Variants in FRMD6 observed in about 807,000 individuals in gnomAD.
FRMD6 encodes FERM domain-containing protein 6.
A neutral mutation model predicts 73.2 loss-of-function variants in FRMD6; 37 were observed. The ratio of observed to expected loss-of-function variants is 0.51; its 90% CI spans 0.39 to 0.66. The LOEUF (loss-of-function observed/expected upper bound fraction) is 0.66, where lower values mean the gene tolerates loss of function less well. Among genes scored for constraint, FRMD6 ranks in the 30% least tolerant of loss-of-function variants. The pLI is 0.00. For synonymous variants in FRMD6, 273 were observed against 282.2 expected (o/e 0.97, Z 0.33); for missense variants, 714 against 780.5 (o/e 0.91, Z 1.02).
At chr14:51,482,717 T>G in the FRMD6 span, among the ~76,000 whole-genome samples, 3 of 150,202 alleles carry the variant, frequency 2.0e-5, no homozygotes, top group South Asian at 6.3e-4. Context: ...TTGTTTGTTT[T>G]TGAGATGGAG....
At chr14:51,705,076 T>A in intron 6 of FRMD6, 141 bp downstream of exon 6, 1 of 693,306 alleles carries the variant, frequency 1.4e-6, no homozygotes, top group Non-Finnish European at 2.4e-6. Context: ...ATTTAATGCT[T>A]AAGAACGTGG....
At chr14:51,519,441 C>T (rs28562052) in intron 1 of FRMD6, among the ~76,000 whole-genome samples, 4,938 of 152,148 alleles carry the variant, frequency 0.032, 275 homozygotes, top group African/African-American at 0.11. Context: ...TGAGCCACTG[C>T]ACCCGGCCCA....
chr14:51,672,813 CTT>C (rs1193462103), intron 1 of FRMD6, among the ~76,000 whole-genome samples: 1 of 152,020 alleles, frequency 6.6e-6, no homozygotes, highest in Non-Finnish European at 1.5e-5. Context: ...TCATAATAGT[CTT>C]ATTATTGGGT....
intron 1 of FRMD6, among the ~76,000 whole-genome samples, chr14:51,570,175 T>C (rs1888056326): frequency 6.6e-6 from 1 of 152,216 alleles, no homozygotes; most frequent in East Asian, 1.9e-4. Flanking sequence ...TTAGTCCAAT[T>C]GCATTTTCTT....
the FRMD6 span, among the ~76,000 whole-genome samples, chr14:51,412,222 C>T: frequency 1.2e-4 from 18 of 151,970 alleles, no homozygotes; most frequent in Admixed American, 2.6e-4. Flanking sequence ...TTTAGTCATC[C>T]TTGTATTTTT....
At chr14:51,534,060 C>T (rs1296224528) in intron 1 of FRMD6, among the ~76,000 whole-genome samples, 2 of 152,228 alleles carry the variant, frequency 1.3e-5, no homozygotes, top group Admixed American at 1.3e-4. Flanking sequence ...GCCTGGGCAG[C>T]TCTGCCAGTG....
At chr14:51,595,204 C>T (rs1338692509) in intron 2 of FRMD6, among the ~76,000 whole-genome samples, 1 of 152,196 alleles carries the variant, frequency 6.6e-6, no homozygotes, top group East Asian at 1.9e-4. Flanking sequence ...AAAGCTGCAT[C>T]AGTCCCCTAA....
At chr14:51,459,882 C>CTTTTTTTTTTTTTTTTTTTTTTT in the FRMD6 span, among the ~76,000 whole-genome samples, 3 of 23,428 alleles carry the variant, frequency 1.3e-4, no homozygotes, top group African/African-American at 6.5e-4. Flanking sequence ...ATTACTGACT[C>CTTTTTTTTTTTTTTTTTTTTTTT]TCTTTTTTTT....
chr14:51,677,424 G>T (rs189045550), intron 1 of FRMD6, among the ~76,000 whole-genome samples: 2 of 152,052 alleles, frequency 1.3e-5, no homozygotes, highest in Non-Finnish European at 2.9e-5. Flanking sequence ...TCCCATGAAT[G>T]AGGGAATCAA....
intron 1 of FRMD6, among the ~76,000 whole-genome samples, chr14:51,525,786 A>G (rs937317114): frequency 1.3e-5 from 2 of 152,238 alleles, no homozygotes; most frequent in Non-Finnish European, 2.9e-5. Context: ...GAAAGTTGTA[A>G]AATAGAAAAG....
chr14:51,711,794 C>T (rs913288460), intron 8 of FRMD6, among the ~76,000 whole-genome samples, 198 bp downstream of exon 8: 2 of 151,908 alleles, frequency 1.3e-5, no homozygotes, highest in African/African-American at 4.8e-5. Flanking sequence ...TAAGAAATAA[C>T]AGAAAACAAT....
At chr14:51,603,520 C>A (rs1566497125) in intron 2 of FRMD6, among the ~76,000 whole-genome samples, 1 of 151,810 alleles carries the variant, frequency 6.6e-6, no homozygotes, top group Non-Finnish European at 1.5e-5. Context: ...AGGAAAAATA[C>A]ATAACGAAAA....
chr14:51,513,658 A>G (rs1884452576), intron 1 of FRMD6, among the ~76,000 whole-genome samples: 1 of 150,692 alleles, frequency 6.6e-6, no homozygotes, highest in Admixed American at 6.6e-5. Context: ...GGATTTCTGT[A>G]TTATTTAGAG....
At chr14:51,457,217 C>T in the FRMD6 span, among the ~76,000 whole-genome samples, 16 of 152,118 alleles carry the variant, frequency 1.1e-4, no homozygotes, top group South Asian at 1.2e-3. Flanking sequence ...ACAATGTAAA[C>T]ATGTATCAAA....
chr14:51,610,012 G>A (rs559971871), intron 2 of FRMD6, among the ~76,000 whole-genome samples: 46 of 152,242 alleles, frequency 3.0e-4, no homozygotes, highest in Non-Finnish European at 6.2e-4. Flanking sequence ...ACATCCAGCT[G>A]TATGTGGCTA....
chr14:51,423,246 A>T, the FRMD6 span, among the ~76,000 whole-genome samples: 2 of 152,224 alleles, frequency 1.3e-5, no homozygotes, highest in African/African-American at 4.8e-5. Context: ...TTCCTTCCCC[A>T]CATCTCACAA....
intron 1 of FRMD6, among the ~76,000 whole-genome samples, chr14:51,668,726 C>T (rs938662018): frequency 4.6e-5 from 7 of 151,768 alleles, no homozygotes; most frequent in African/African-American, 1.7e-4. Flanking sequence ...GAGTGCAGTG[C>T]CATAGTCTTG....
At chr14:51,443,849 A>G in the FRMD6 span, among the ~76,000 whole-genome samples, 7 of 152,322 alleles carry the variant, frequency 4.6e-5, no homozygotes, top group African/African-American at 1.7e-4. Context: ...GAGAAATAAC[A>G]AACATCATTC....
At chr14:51,695,940 T>C (rs1205566673) in intron 2 of FRMD6, among the ~76,000 whole-genome samples, 1 of 152,166 alleles carries the variant, frequency 6.6e-6, no homozygotes, top group African/African-American at 2.4e-5. Context: ...ATTTTCCTAA[T>C]CTGAGTTTCA....
Sources: gnomAD v4.1 joint callset for allele counts (sites outside exome capture counted in the v4.1 genomes callset) on GRCh38, gnomAD v4.1.1 for gene constraint, MANE v1.5 for transcripts, NCBI Gene and HGNC (gene_info 2026-07-23, HGNC 2026-07-21) for gene names.